SLC4A8: variants seen among roughly 807,000 people sequenced by gnomAD.
SLC4A8 encodes the protein solute carrier family 4 member 8.
A neutral mutation model predicts 125.0 loss-of-function variants in SLC4A8; 40 were observed. That is an observed-to-expected ratio of 0.32 (90% CI 0.25 to 0.42). The LOEUF (loss-of-function observed/expected upper bound fraction) is 0.42. Ranked by LOEUF, SLC4A8 falls within the 10% of genes least tolerant of loss-of-function variation. The probability of loss-of-function intolerance (pLI) is 1.00; values close to 1 mark genes in which losing one functional copy is unlikely to be tolerated. For synonymous variants in SLC4A8, 456 were observed against 476.0 expected, an observed-to-expected ratio of 0.96 and a Z score of 0.55; for missense variants, 863 against 1,355.1, an observed-to-expected ratio of 0.64 and a Z score of 5.70.
intron 14 of SLC4A8, among the ~76,000 whole-genome samples, chr12:51,472,917 C>T (rs961683140): frequency 4.6e-5 from 7 of 152,046 alleles, no homozygotes; most frequent in African/African-American, 1.7e-4. Context: ...GTTTTAGGTT[C>T]ACAGCAAAGT....
In SLC4A8 at chr12:51,471,516, C is replaced by A; in HGVS notation, c.1888C>A (p.His630Asn). ...CATCCACATGCACAGCCAGCTGGACCACCTTAGCCTCTATTAGTAAGTGTG... is the reference window on the plus strand; with the variant it reads ...CATCCACATGCACAGCCAGCTGGACAACCTTAGCCTCTATTAGTAAGTGTG... ...YPIHMHSQLD[H>N]LSLYYCRCTL... The change falls in exon 14 of 25, where the codon CAC (histidine) becomes AAC (asparagine). Residue 630 changes from histidine to asparagine, a missense_variant. By Grantham distance (68) the His-to-Asn change is moderately conservative. Transcript: ENST00000453097. 6.2e-7 allele frequency: 1 copy of A among 1,613,924 alleles called. No homozygotes were observed. The highest frequency in any genetic ancestry group is 8.5e-7 in the Non-Finnish European group (1 of 1,179,904).
At chr12:51,440,902 C>A in intron 2 of SLC4A8, 113 bp downstream of exon 2, 2 of 1,020,194 alleles carry the variant, frequency 2.0e-6, no homozygotes, top group South Asian at 2.0e-5. Context: ...TGGGGAAAAT[C>A]ACTTGATTTC....
chr12:51,470,879 G>GTT lies in SLC4A8; in HGVS notation c.1658+360_1658+361dup, dbSNP rs11429757. 7.8e-3 allele frequency among the ~76,000 whole-genome samples: 1,177 copies of GTT among 150,724 alleles called. 13 individuals carry two copies. Among genetic ancestry groups the GTT allele is most frequent in the African/African-American group, 0.028 (1,135 of 40,980 alleles). On this transcript the variant is annotated intron_variant, in intron 13 of 24. Coordinates refer to ENST00000453097, the MANE Select transcript of SLC4A8 (RefSeq NM_001039960.3). ...CTGCTGTTTTTTTTTGTTTTGTTTT[G>GTT]TTTTTTTGCTATTGATAGTGGGGCA...
chr12:51,504,027 A>C lies in SLC4A8; in HGVS notation c.3082-2A>C. On this transcript the variant is annotated splice_acceptor_variant, in intron 22 of 24. Transcript: ENST00000453097. LOFTEE classifies it high-confidence loss of function. ...ATATAATAATGTTTCTTTTTCTTCC[A>C]GGAGGCTGAGAAAATGTTAGAAATT... The C allele has an allele frequency of 1.3e-6, 2 of 1,552,148 alleles. No homozygotes were observed. The highest frequency in any genetic ancestry group is 1.8e-6 in the Non-Finnish European group (2 of 1,138,366).
upstream of SLC4A8, chr12:51,424,784 T>C: frequency 1.8e-6 from 1 of 552,068 alleles, no homozygotes; most frequent in South Asian, 2.2e-5. Context: ...CTCCGCGCCC[T>C]GATTGGCTGC....
chr12:51,500,172 A>G lies in SLC4A8; in HGVS notation c.3081+3048A>G, dbSNP rs1937787712. Among the ~76,000 whole-genome samples, 4 of 152,312 alleles carry G rather than the reference A, an allele frequency of 2.6e-5. No individual in the cohort carries two copies. In the South Asian group the frequency reaches 8.3e-4, roughly 32 times the overall value. On this transcript the variant is annotated intron_variant, in intron 22 of 24. Transcript: ENST00000453097. Reference sequence around the variant, plus strand: ...GACCAAGGAGAACAGCAGGTTTAGGAGGAAAATCAAGAGATCTCCTTTGGA... The same window carrying G: ...GACCAAGGAGAACAGCAGGTTTAGGGGGAAAATCAAGAGATCTCCTTTGGA...
intron 1 of SLC4A8, chr12:51,392,706 G>A (rs1053802915): frequency 1.3e-5 from 2 of 151,966 alleles, no homozygotes; most frequent in African/African-American, 4.8e-5. Flanking sequence ...GTGCATGCTC[G>A]ACCTTGAGAA....
intron 2 of SLC4A8, among the ~76,000 whole-genome samples, chr12:51,442,722 A>G (rs1171202685): frequency 1.3e-5 from 2 of 152,194 alleles, no homozygotes; most frequent in Admixed American, 1.3e-4. Flanking sequence ...GACAAACTAG[A>G]ACCAGATCTC....
rs1346954861 is a variant in SLC4A8, at chr12:51,450,647, AC to A, written c.131-228del. On this transcript the variant is annotated intron_variant, in intron 2 of 24. Coordinates refer to ENST00000453097, the MANE Select transcript of SLC4A8 (RefSeq NM_001039960.3). The stretch of plus-strand genomic sequence containing the variant: ...AATCACATTATTTCTTTCAGTCTTC[AC>A]AAGATCCCTGTGAAGTTTGCAGGCA... 5.8e-6 allele frequency: 3 copies of A among 520,516 alleles called. No individual in the cohort carries two copies. In the African/African-American group the frequency reaches 5.9e-5, roughly 10 times the overall value. 32.2% of individuals were successfully genotyped at this position (520,516 alleles called of 1,614,324 possible).
At chr12:51,433,669 C>T (rs753068170) in intron 1 of SLC4A8, among the ~76,000 whole-genome samples, 1 of 152,140 alleles carries the variant, frequency 6.6e-6, no homozygotes, top group Non-Finnish European at 1.5e-5. Context: ...GGTGAGGAAT[C>T]TGCAGCAAGC....
chr12:51,463,410 GGTGT>G (rs71731491), intron 10 of SLC4A8, among the ~76,000 whole-genome samples, 200 bp from the exon 11 acceptor site: 47,317 of 143,882 alleles, frequency 0.33, 7,614 homozygotes, highest in African/African-American at 0.41. Context: ...GAAATTATGG[GGTGT>G]GTGTGTGTGT....
intron 1 of SLC4A8, among the ~76,000 whole-genome samples, chr12:51,405,699 C>A (rs949946562): frequency 6.6e-6 from 1 of 152,146 alleles, no homozygotes; most frequent in African/African-American, 2.4e-5. Context: ...CCTGCAGGGC[C>A]CCGTGGCCAT....
At chr12:51,451,075 G>T in intron 3 of SLC4A8, 53 bp downstream of exon 3, 2 of 1,366,458 alleles carry the variant, frequency 1.5e-6, no homozygotes, top group Non-Finnish European at 1.9e-6. Context: ...GAATGGGGAG[G>T]CTGAGGGGAC....
At chr12:51,466,943 AT>A (rs1950536267) in intron 11 of SLC4A8, among the ~76,000 whole-genome samples, 1 of 149,290 alleles carries the variant, frequency 6.7e-6, no homozygotes, top group Non-Finnish European at 1.5e-5. Flanking sequence ...GCCTCAGAGT[AT>A]GTGTGTGTGT....
chr12:51,468,716 C>T (rs1950599877), intron 11 of SLC4A8, among the ~76,000 whole-genome samples: 1 of 152,204 alleles, frequency 6.6e-6, no homozygotes, highest in East Asian at 1.9e-4. Context: ...CCAGAGATGG[C>T]GCCACTGCAC....
rs186358306 is a variant in SLC4A8, at chr12:51,409,943, G to A, written c.-112+18455G>A. On this transcript the variant is annotated intron_variant, in intron 1 of 24. Transcript: ENST00000358657. ...GTATGGGAAATACGTGGAAATGTCGGGTGCGGGTTCTGCATGTCTCGTTCC... is the reference window on the plus strand; with the variant it reads ...GTATGGGAAATACGTGGAAATGTCGAGTGCGGGTTCTGCATGTCTCGTTCC... 2.0e-5 allele frequency among the ~76,000 whole-genome samples: 3 copies of A among 152,308 alleles called. No individual in the cohort carries two copies. The East Asian group carries it at 5.8e-4, about 29-fold the overall frequency.
At position 51,471,332 on chromosome 12, in the gene SLC4A8, G is replaced by A. The variant is rs1029027651; in HGVS notation, c.1704G>A (p.Leu568=). ...TCTCCCTGCGAGCTTGTATTGGACT[G>A]TGGACCGCTTTCCTGTGTATTGTCC... ...SYLSLRACIG[L]WTAFLCIVLV... The change falls in exon 14 of 25, where the codon CTG becomes CTA. Residue 568 remains leucine (L), a synonymous_variant. Transcript: ENST00000453097. 8.7e-6 allele frequency: 14 copies of A among 1,613,806 alleles called. No individual in the cohort carries two copies. The Admixed American group carries it at 2.3e-4, about 27-fold the overall frequency.
intron 22 of SLC4A8, among the ~76,000 whole-genome samples, chr12:51,501,071 C>T (rs7301925): frequency 0.015 from 2,236 of 152,262 alleles, 60 homozygotes; most frequent in East Asian, 0.1. Context: ...CCTCGTGATC[C>T]GCCCGCCTCG....
chr12:51,488,740 C>T lies in SLC4A8; in HGVS notation c.2328C>T (p.Gly776=), dbSNP rs556792177. 8.7e-6 allele frequency: 14 copies of T among 1,613,738 alleles called. No individual in the cohort carries two copies. In the South Asian group the frequency reaches 1.5e-4, roughly 18 times the overall value. Residue 776 remains glycine, a synonymous_variant, in exon 18 of 25, where the codon GGC becomes GGT. Coordinates refer to ENST00000453097, the MANE Select transcript of SLC4A8 (RefSeq NM_001039960.3). The stretch of plus-strand genomic sequence containing the variant: ...GCGGATGGATTATTAATCCCATTGG[C>T]CCCAATCCCTGGTGGACTGTGATAG... ...DDRGWIINPI[G]PNPWWTVIAA...
Sources: gnomAD v4.1 joint callset for allele counts (sites outside exome capture counted in the v4.1 genomes callset) on GRCh38, gnomAD v4.1.1 for gene constraint, MANE v1.5 for transcripts, NCBI Gene and HGNC (gene_info 2026-07-23, HGNC 2026-07-21) for gene names.